Variants in FAM107B observed in about 807,000 individuals in gnomAD.
FAM107B encodes the protein protein FAM107B.
Under a neutral mutation model 31.5 loss-of-function variants are expected in FAM107B, and 21 were observed. The observed-to-expected ratio is 0.67, with a 90% confidence interval of 0.47 to 0.96. The LOEUF is 0.96. Among genes scored for constraint, FAM107B ranks in the 40% least tolerant of loss-of-function variants. The pLI, the probability that FAM107B is intolerant of heterozygous loss-of-function variation, is 0.00. For missense variants in FAM107B, 452 were observed against 377.1 expected (o/e 1.20, Z -1.64); for synonymous variants, 157 against 141.5 (o/e 1.11, Z -0.78).
chr10:14,520,947 T>G lies in FAM107B; in HGVS notation c.*243A>C. ...TTTTGCTTGTTGGTTCTGTTAAGTC[T>G]CTGAACACAGGTCCATCATTCCAAC... On this transcript the variant is annotated 3_prime_UTR_variant, in exon 5 of 5. Transcript: ENST00000181796. The G allele has an allele frequency of 2.3e-6, 1 of 428,390 alleles. No individual in the cohort carries two copies. 26.5% of individuals were successfully genotyped at this position (428,390 alleles called of 1,614,324 possible).
At chr10:14,664,253 A>T (rs1854348050) in intron 2 of FAM107B, among the ~76,000 whole-genome samples, 1 of 152,142 alleles carries the variant, frequency 6.6e-6, no homozygotes. Flanking sequence ...CTTTCTCTAA[A>T]ACTTACATTT....
intron 1 of FAM107B, among the ~76,000 whole-genome samples, chr10:14,725,323 G>A (rs1856006382): frequency 6.6e-6 from 1 of 152,204 alleles, no homozygotes; most frequent in East Asian, 1.9e-4. Flanking sequence ...AATGGAGAAA[G>A]AGATTGAGAT....
Position 14,763,561 on chromosome 10 carries a change from A to G in FAM107B, c.411+10692T>C, listed in dbSNP as rs529125469. Among the ~76,000 whole-genome samples the G allele has an allele frequency of 2.9e-4, 44 of 152,304 alleles. No individual in the cohort carries two copies. The South Asian group carries it at 8.5e-3, about 29-fold the overall frequency. On this transcript the variant is annotated intron_variant, in intron 1 of 4. Coordinates refer to ENST00000181796, the MANE Select transcript of FAM107B (RefSeq NM_031453.4). The stretch of plus-strand genomic sequence containing the variant: ...TGCACCAAGTCACTTCTGCCTATAG[A>G]GACGCAAGTCTTACGCAGCCAGGTC...
chr10:14,609,272 A>G (rs911901257), intron 2 of FAM107B, among the ~76,000 whole-genome samples: 1 of 152,182 alleles, frequency 6.6e-6, no homozygotes, highest in African/African-American at 2.4e-5. Flanking sequence ...TTTTTAGTCC[A>G]GAAATGGCAT....
intron 3 of FAM107B, among the ~76,000 whole-genome samples, chr10:14,523,244 G>A (rs1845857654): frequency 6.6e-6 from 1 of 152,166 alleles, no homozygotes; most frequent in South Asian, 2.1e-4. Flanking sequence ...GTCTTCCTTA[G>A]TCACTTATCT....
intron 1 of FAM107B, among the ~76,000 whole-genome samples, chr10:14,699,112 C>A (rs1467181020): frequency 6.6e-6 from 1 of 152,030 alleles, no homozygotes; most frequent in Non-Finnish European, 1.5e-5. Flanking sequence ...CAAGGAAAGT[C>A]TGGTACTTGA....
At position 14,529,250 on chromosome 10, in the gene FAM107B, G is replaced by A. The variant is rs142441063; in HGVS notation, c.653+1082C>T. 7.7e-4 allele frequency among the ~76,000 whole-genome samples: 118 copies of A among 152,288 alleles called. 1 individual carries two copies. Among genetic ancestry groups the A allele is most frequent in the African/African-American group, 2.6e-3 (110 of 41,560 alleles). ...TTCTATTGTGTGACAAAGGCAGATG[G>A]AAGCTAAAATCTTATTTGCATTCAA... On this transcript the variant is annotated intron_variant, in intron 3 of 4. Coordinates refer to ENST00000181796, the MANE Select transcript of FAM107B (RefSeq NM_031453.4).
chr10:14,631,303 TCTC>T (rs1310155413), intron 2 of FAM107B, among the ~76,000 whole-genome samples: 4 of 152,078 alleles, frequency 2.6e-5, no homozygotes, highest in Non-Finnish European at 5.9e-5. Context: ...CACCATAACA[TCTC>T]CTTCTAGCCA....
chr10:14,519,820 C>G lies in FAM107B; in HGVS notation c.*1370G>C, dbSNP rs962833747. On this transcript the variant is annotated 3_prime_UTR_variant, in exon 5 of 5. Transcript: ENST00000181796. Reference sequence around the variant, plus strand: ...GAAATGACTGGCTGAACTGTCTCTACGGAGCATACTAAATCCTCAACAATT... The same window carrying G: ...GAAATGACTGGCTGAACTGTCTCTAGGGAGCATACTAAATCCTCAACAATT... 2.0e-5 allele frequency: 3 copies of G among 152,308 alleles called. No homozygotes were observed. The highest frequency in any genetic ancestry group is 7.2e-5 in the African/African-American group (3 of 41,440). The allele number at this position is 152,308 out of a possible 1,614,324, so 9.4% of individuals were successfully genotyped here.
At chr10:14,752,742 G>T (rs1031414598) in intron 1 of FAM107B, among the ~76,000 whole-genome samples, 7 of 152,092 alleles carry the variant, frequency 4.6e-5, no homozygotes, top group Non-Finnish European at 8.8e-5. Context: ...GACCAGCCTG[G>T]GCAATGTGGC....
In FAM107B at chr10:14,562,873, T is replaced by C. The variant is rs148261610; in HGVS notation, c.470-32358A>G. Among the ~76,000 whole-genome samples, 250 of 152,360 alleles carry C rather than the reference T, an allele frequency of 1.6e-3. 1 individual carries two copies. Among genetic ancestry groups the C allele is most frequent in the African/African-American group, 5.8e-3 (240 of 41,578 alleles). On this transcript the variant is annotated intron_variant, in intron 2 of 4. Coordinates refer to ENST00000181796, the MANE Select transcript of FAM107B (RefSeq NM_031453.4). ...CTCAACCATGAGAGTAGCTCTGTTA[T>C]CCCATAGGACAAGATATTCTTTTGC... is the stretch of plus-strand genomic sequence containing the variant.
At chr10:14,529,411 C>G (rs1846688799) in intron 3 of FAM107B, 1 of 152,122 alleles carries the variant, frequency 6.6e-6, no homozygotes, top group Non-Finnish European at 1.5e-5. Context: ...TTTTTTCTAG[C>G]TGGAGTGTAC....
At chr10:14,766,608 T>C (rs1032266732) in intron 1 of FAM107B, among the ~76,000 whole-genome samples, 2 of 151,786 alleles carry the variant, frequency 1.3e-5, no homozygotes, top group African/African-American at 4.8e-5. Context: ...GAAGAGTGAG[T>C]GGGATTATCA....
chr10:14,647,761 G>A (rs374951260), intron 2 of FAM107B, among the ~76,000 whole-genome samples: 2 of 150,790 alleles, frequency 1.3e-5, no homozygotes, highest in African/African-American at 4.9e-5. Context: ...CAAGGCATTT[G>A]CAGTCAACAA....
intron 2 of FAM107B, among the ~76,000 whole-genome samples, chr10:14,601,581 G>A (rs1016208838): frequency 2.0e-5 from 3 of 151,978 alleles, no homozygotes; most frequent in East Asian, 1.9e-4. Flanking sequence ...TCCCACCCCC[G>A]AGTGTGCCCC....
chr10:14,569,819 C>G (rs1459800134), intron 2 of FAM107B, among the ~76,000 whole-genome samples: 1 of 152,208 alleles, frequency 6.6e-6, no homozygotes, highest in Admixed American at 6.5e-5. Context: ...CTGGGACTCT[C>G]GCGCCTACTG....
intron 3 of FAM107B, among the ~76,000 whole-genome samples, chr10:14,524,569 C>A (rs1252245145): frequency 6.6e-6 from 1 of 152,084 alleles, no homozygotes; most frequent in East Asian, 1.9e-4. Context: ...CTTTAATCAG[C>A]ACAATATAAG....
intron 1 of FAM107B, among the ~76,000 whole-genome samples, chr10:14,719,376 C>T (rs1753959468): frequency 1.3e-5 from 2 of 152,144 alleles, no homozygotes; most frequent in Non-Finnish European, 2.9e-5. Context: ...TTGTAAGTGT[C>T]CTAATACAAC....
chr10:14,523,493 C>T (rs919786120), intron 3 of FAM107B, among the ~76,000 whole-genome samples: 4 of 152,196 alleles, frequency 2.6e-5, no homozygotes, highest in African/African-American at 9.6e-5. Context: ...TCCCGGACTC[C>T]AGGATGGGCC....
Sources: gnomAD v4.1 joint callset for allele counts (sites outside exome capture counted in the v4.1 genomes callset) on GRCh38, gnomAD v4.1.1 for gene constraint, MANE v1.5 for transcripts, NCBI Gene and HGNC (gene_info 2026-07-23, HGNC 2026-07-21) for gene names.